Variants in SPOCK3 observed in about 807,000 individuals in gnomAD.
SPOCK3 encodes SPARC (osteonectin), cwcv and kazal like domains proteoglycan 3.
Under a neutral mutation model 56.6 loss-of-function variants are expected in SPOCK3, and 30 were observed. The ratio of observed to expected loss-of-function variants is 0.53; its 90% CI spans 0.40 to 0.72. The LOEUF is 0.72. Ranked by LOEUF, SPOCK3 falls within the 30% of genes least tolerant of loss-of-function variation. SPOCK3 has a pLI of 0.00. For missense variants in SPOCK3, 527 were observed against 530.0 expected (o/e 0.99, Z 0.06); for synonymous variants, 196 against 183.3 (o/e 1.07, Z -0.56).
intron 2 of SPOCK3, among the ~76,000 whole-genome samples, chr4:167,090,780 G>A (rs1365023858): frequency 6.6e-6 from 1 of 152,050 alleles, no homozygotes; most frequent in African/African-American, 2.4e-5. Context: ...TGGGATTACA[G>A]GCATGAGCCA....
intron 4 of SPOCK3, among the ~76,000 whole-genome samples, chr4:166,973,771 A>G (rs1438466314): frequency 6.6e-6 from 1 of 152,220 alleles, no homozygotes; most frequent in Non-Finnish European, 1.5e-5. Flanking sequence ...GCTAGAAAAG[A>G]TAGATCCAAG....
At chr4:166,742,301 G>T (rs1449892690) in intron 8 of SPOCK3, among the ~76,000 whole-genome samples, 1 of 151,856 alleles carries the variant, frequency 6.6e-6, no homozygotes, top group Non-Finnish European at 1.5e-5. Flanking sequence ...TAGAGACAGA[G>T]AGAGCACTCA....
intron 2 of SPOCK3, among the ~76,000 whole-genome samples, chr4:167,130,830 T>G (rs1026189356): frequency 7.2e-5 from 11 of 152,158 alleles, no homozygotes; most frequent in Admixed American, 2.6e-4. Context: ...ACCATGTCAC[T>G]AGAAAAATTT....
At chr4:167,129,280 A>C (rs1241512264) in intron 2 of SPOCK3, among the ~76,000 whole-genome samples, 1 of 152,208 alleles carries the variant, frequency 6.6e-6, no homozygotes, top group Non-Finnish European at 1.5e-5. Flanking sequence ...ATGGAGGTCC[A>C]AGTTTGAGAA....
intron 6 of SPOCK3, among the ~76,000 whole-genome samples, chr4:166,828,160 T>C (rs576825632): frequency 2.0e-5 from 3 of 152,134 alleles, no homozygotes; most frequent in South Asian, 2.1e-4. Context: ...ATATGTCCAA[T>C]AGATTTCTTG....
chr4:166,878,740 G>C lies in SPOCK3; in HGVS notation c.589+10390C>G, dbSNP rs539453712. 2.9e-4 allele frequency among the ~76,000 whole-genome samples: 44 copies of C among 152,166 alleles called. 1 individual carries two copies. In the South Asian group the frequency reaches 8.9e-3, roughly 31 times the overall value. ...ATAACAGAAAGAGAGACTCCAAAGG[G>C]CTGGTAAGACACTGTAATTAGGAGG... On this transcript the variant is annotated intron_variant, in intron 6 of 10. Transcript: ENST00000357545.
At chr4:166,866,334 G>T (rs1264628996) in intron 6 of SPOCK3, among the ~76,000 whole-genome samples, 3 of 152,104 alleles carry the variant, frequency 2.0e-5, no homozygotes, top group Non-Finnish European at 4.4e-5. Context: ...AACCCTAGAA[G>T]AAAACCTAGG....
At chr4:166,897,199 T>A (rs535310701) in intron 5 of SPOCK3, among the ~76,000 whole-genome samples, 1 of 152,268 alleles carries the variant, frequency 6.6e-6, no homozygotes, top group South Asian at 2.1e-4. Flanking sequence ...CTATGGCTTT[T>A]ATGTGAAAAT....
chr4:166,986,396 A>G (rs1747171567), intron 4 of SPOCK3, among the ~76,000 whole-genome samples: 1 of 151,874 alleles, frequency 6.6e-6, no homozygotes, highest in South Asian at 2.1e-4. Context: ...TTGTGATGGG[A>G]CTCCCAATGA....
At chr4:166,880,333 C>G (rs910616093) in intron 6 of SPOCK3, among the ~76,000 whole-genome samples, 1 of 152,150 alleles carries the variant, frequency 6.6e-6, no homozygotes, top group African/African-American at 2.4e-5. Context: ...ACACTGTTCT[C>G]TCCTGTTTCT....
intron 2 of SPOCK3, among the ~76,000 whole-genome samples, chr4:167,172,738 A>G (rs368675422): frequency 5.3e-5 from 8 of 152,250 alleles, no homozygotes; most frequent in African/African-American, 1.2e-4. Flanking sequence ...ATATGTATGT[A>G]TACATCTATA....
chr4:167,163,700 C>A (rs1323156368), intron 2 of SPOCK3, among the ~76,000 whole-genome samples: 1 of 151,952 alleles, frequency 6.6e-6, no homozygotes, highest in African/African-American at 2.4e-5. Context: ...TCTTTCCATG[C>A]CTGACTTATT....
intron 4 of SPOCK3, among the ~76,000 whole-genome samples, chr4:166,950,469 C>T (rs1490490963): frequency 4.0e-5 from 6 of 151,722 alleles, no homozygotes; most frequent in African/African-American, 1.5e-4. Context: ...GACTTAGACT[C>T]CCACACATTA....
intron 6 of SPOCK3, among the ~76,000 whole-genome samples, chr4:166,871,234 ACAATAAAT>A (rs920951080): frequency 1.2e-4 from 18 of 152,274 alleles, no homozygotes; most frequent in African/African-American, 3.6e-4. Context: ...TGTAACTAAA[ACAATAAAT>A]CAATAAATAA....
At chr4:167,016,352 A>G (rs906863474) in intron 3 of SPOCK3, among the ~76,000 whole-genome samples, 8 of 152,126 alleles carry the variant, frequency 5.3e-5, no homozygotes, top group Admixed American at 3.3e-4. Context: ...ATAGTAAAAA[A>G]GGTTAAAGAG....
intron 6 of SPOCK3, 101 bp from the exon 7 acceptor site, chr4:166,792,390 A>G: frequency 3.1e-6 from 4 of 1,290,884 alleles, no homozygotes; most frequent in Non-Finnish European, 4.3e-6. Context: ...AGAACGACTA[A>G]AAGAAAAAGG....
In SPOCK3 at chr4:166,964,156, G is replaced by A. The variant is rs964568766; in HGVS notation, c.350+36193C>T. Among the ~76,000 whole-genome samples the A allele has an allele frequency of 4.0e-5, 6 of 151,020 alleles. No individual in the cohort carries two copies. In the East Asian group the frequency reaches 1.2e-3, roughly 29 times the overall value. On this transcript the variant is annotated intron_variant, in intron 4 of 10. Transcript: ENST00000357545. ...TTTGAATGAATAAAATTAATTAAAG[G>A]ATAAACAGTCCTGTATTTTAAAGGT...
intron 5 of SPOCK3, among the ~76,000 whole-genome samples, chr4:166,895,460 T>C (rs747481055): frequency 6.7e-6 from 1 of 149,266 alleles, no homozygotes; most frequent in African/African-American, 2.5e-5. Context: ...AGAATGCAAG[T>C]AGCGGAAAGA....
At chr4:167,037,508 A>AC (rs902690360) in intron 3 of SPOCK3, among the ~76,000 whole-genome samples, 50 of 151,712 alleles carry the variant, frequency 3.3e-4, no homozygotes, top group Non-Finnish European at 1.6e-4. Flanking sequence ...AAAAAAAAAA[A>AC]AACTATTTTA....
Sources: allele counts gnomAD v4.1 joint callset (sites outside exome capture counted in the v4.1 genomes callset), GRCh38; gene constraint gnomAD v4.1.1; transcripts MANE v1.5; gene names NCBI Gene and HGNC (gene_info 2026-07-23, HGNC 2026-07-21).